The following TKTL1 variants were observed in gnomAD, a reference collection of about 807,000 sequenced individuals.
TKTL1 encodes transketolase-like protein 1.
A neutral mutation model predicts 39.3 loss-of-function variants in TKTL1; 1 was observed. That is an observed-to-expected ratio of 0.03 (90% confidence interval 0.01 to 0.12). The LOEUF is 0.12. Ranked by LOEUF, TKTL1 falls within the 10% of genes least tolerant of loss-of-function variation. The pLI, the probability that TKTL1 is intolerant of heterozygous loss-of-function variation, is 1.00. For synonymous variants in TKTL1, 262 were observed against 193.8 expected, an observed-to-expected ratio of 1.35 and a Z score of -2.92; for missense variants, 575 against 509.6, an observed-to-expected ratio of 1.13 and a Z score of -1.24.
Position 154,315,261 on chromosome X carries a change from A to G in TKTL1, c.953A>G (p.Tyr318Cys). 5 of 1,210,999 alleles carry G rather than the reference A, an allele frequency of 4.1e-6. No homozygotes were observed. The highest frequency in any genetic ancestry group is 5.6e-6 in the Non-Finnish European group (5 of 895,037). The change falls in exon 7 of 13, where the codon TAC becomes TGC. Residue 318 changes from tyrosine (Y) to cysteine (C), a missense_variant. Physicochemically the swap from Tyr to Cys is radical, Grantham distance 194. Transcript: ENST00000369915. The stretch of plus-strand genomic sequence containing the variant: ...GTTGTGCTGGATGGTGACACCAGGT[A>G]CTCTACTTTCTCTGAGATATTCAAC... The part of the protein sequence containing the change: ...RVVVLDGDTR[Y>C]STFSEIFNKE...
chrX:154,319,295 C>T (rs1431358292), intron 7 of TKTL1, among the ~76,000 whole-genome samples: 1 of 112,363 alleles, frequency 8.9e-6, no homozygotes, highest in Admixed American at 9.4e-5. Context: ...TAATTAAGTT[C>T]TTCACTTTCT....
At chrX:154,325,452 A>G (rs1006449291) in intron 10 of TKTL1, 30 bp downstream of exon 10, 2 of 1,118,903 alleles carry the variant, frequency 1.8e-6, no homozygotes, top group Non-Finnish European at 1.2e-6. Context: ...TGCGTTATTC[A>G]GTATCATCTC....
intron 7 of TKTL1, among the ~76,000 whole-genome samples, chrX:154,316,439 C>A (rs782180066): frequency 9.0e-6 from 1 of 111,457 alleles, no homozygotes; most frequent in African/African-American, 3.3e-5. Flanking sequence ...GTGGCACCAG[C>A]CTGCAGTCCC....
Position 154,312,758 on chromosome X carries a change from C to T in TKTL1, c.849C>T (p.Tyr283=). The T allele has an allele frequency of 1.7e-6, 2 of 1,204,087 alleles. No homozygotes were observed. The highest frequency in any genetic ancestry group is 1.8e-5 in the South Asian group (1 of 55,662). ...TDVRMTSPPD[Y]RVGDKIATRK... The stretch of plus-strand genomic sequence containing the variant: ...TAAGGATGACCTCTCCACCTGATTA[C>T]AGAGTTGGTGACAAGGTAGGCAGAA... Residue 283 remains tyrosine, a synonymous_variant, in exon 6 of 13, where the codon TAC becomes TAT. Coordinates refer to ENST00000369915, the MANE Select transcript of TKTL1 (RefSeq NM_012253.4).
chrX:154,307,733 C>T (rs909720858), intron 2 of TKTL1, among the ~76,000 whole-genome samples: 1 of 112,584 alleles, frequency 8.9e-6, no homozygotes, highest in East Asian at 2.8e-4. Context: ...AGCCCAGGCT[C>T]GGTCCATTAT....
chrX:154,325,488 A>G (rs1356090500), intron 10 of TKTL1, 66 bp downstream of exon 10: 4 of 930,267 alleles, frequency 4.3e-6, no homozygotes, highest in Admixed American at 2.3e-5. Context: ...TTCTGAATCT[A>G]TCACCAGCTA....
intron 8 of TKTL1, 117 bp downstream of exon 8, chrX:154,321,030 C>G: frequency 1.1e-6 from 1 of 902,268 alleles, no homozygotes; most frequent in Non-Finnish European, 1.6e-6. Context: ...ATTATTCAAG[C>G]CTTTTTCTTG....
chrX:154,312,934 G>A (rs2067370136), intron 6 of TKTL1, among the ~76,000 whole-genome samples, 161 bp downstream of exon 6: 1 of 112,030 alleles, frequency 8.9e-6, no homozygotes, highest in Non-Finnish European at 1.9e-5. Flanking sequence ...AATAAAGAGA[G>A]GTTTGCCATT....
At chrX:154,317,693 A>G (rs2067412272) in intron 7 of TKTL1, among the ~76,000 whole-genome samples, 1 of 112,906 alleles carries the variant, frequency 8.9e-6, no homozygotes, top group Admixed American at 9.3e-5. Context: ...GGACCAGGGC[A>G]GTAGCTGTGG....
Position 154,310,933 on chromosome X carries a change from G to C in TKTL1, c.448G>C (p.Val150Leu). Residue 150 changes from valine (V) to leucine (L), a missense_variant, in exon 4 of 13, where the codon GTG (valine) becomes CTG (leucine). By Grantham distance (32) the Val-to-Leu change is conservative (BLOSUM62 1). Coordinates refer to ENST00000369915, the MANE Select transcript of TKTL1 (RefSeq NM_012253.4). ...TTCCTACTACAGTCTGGACAATCTT[G>C]TGGCAATCTTTGATGTGAACCGCCT... is the stretch of plus-strand genomic sequence containing the variant. ...FASYYSLDNLVAIFDVNRLGH... is the reference protein window; with the variant it reads ...FASYYSLDNLLAIFDVNRLGH... 8.3e-7 allele frequency: 1 copy of C among 1,212,121 alleles called. No individual in the cohort carries two copies. The highest frequency in any genetic ancestry group is 1.1e-6 in the Non-Finnish European group (1 of 895,572).
chrX:154,323,314 G>GT lies in TKTL1; in HGVS notation c.1296dup (p.Ala433CysfsTer30). 8.3e-7 allele frequency: 1 copy of GT among 1,211,653 alleles called. No individual in the cohort carries two copies. The highest frequency in any genetic ancestry group is 1.1e-6 in the Non-Finnish European group (1 of 895,425). On this transcript the variant is annotated frameshift_variant, in exon 9 of 13. Transcript: ENST00000369915. LOFTEE classifies it high-confidence loss of function. ...TGATGCCGTCTCCACGGAGCATGCT[G>GT]TTGCTCTGGCAGCCAATGCCAAGGT...
At chrX:154,307,743 T>A (rs1247893650) in intron 2 of TKTL1, among the ~76,000 whole-genome samples, 5 of 112,506 alleles carry the variant, frequency 4.4e-5, no homozygotes, top group African/African-American at 1.6e-4. Context: ...CGGTCCATTA[T>A]GTTATAGGAC....
intron 12 of TKTL1, 128 bp downstream of exon 12, chrX:154,328,086 T>A: frequency 4.5e-6 from 4 of 890,559 alleles, no homozygotes. Context: ...TTATTTGATG[T>A]TCACTAAGCG....
chrX:154,297,491 C>T (rs1216324457), intron 1 of TKTL1, among the ~76,000 whole-genome samples: 1 of 111,112 alleles, frequency 9.0e-6, no homozygotes, highest in Non-Finnish European at 1.9e-5. Flanking sequence ...CTCCTGACCT[C>T]GTGATCCGCC....
intron 2 of TKTL1, among the ~76,000 whole-genome samples, chrX:154,307,293 T>C (rs1603352002): frequency 8.9e-6 from 1 of 111,926 alleles, no homozygotes; most frequent in Middle Eastern, 4.6e-3. Context: ...GAAGAGGCTT[T>C]CTATCGGGCA....
intron 6 of TKTL1, among the ~76,000 whole-genome samples, chrX:154,314,595 G>A (rs1253068527): frequency 9.0e-6 from 1 of 110,630 alleles, no homozygotes; most frequent in South Asian, 3.8e-4. Context: ...GTGCAATCTC[G>A]GCTCACTGCA....
chrX:154,323,265 C>G lies in TKTL1; in HGVS notation c.1245C>G (p.Pro415=), dbSNP rs377758229. ...LEDIAMFRTI[P]KCTIFYPTDA... is the part of the protein sequence containing the mutation. ...ATATAGCCATGTTCCGAACCATTCC[C>G]AAGTGCACGATCTTCTACCCAACTG... The change falls in exon 9 of 13, where the codon CCC becomes CCG. Residue 415 remains proline (P), a synonymous_variant. Transcript: ENST00000369915. 83 of 1,209,539 alleles carry G rather than the reference C, an allele frequency of 6.9e-5. No homozygotes were observed. In the East Asian group the frequency reaches 1.7e-3, roughly 25 times the overall value.
intron 9 of TKTL1, 61 bp from the exon 10 acceptor site, chrX:154,325,278 A>G (rs2067484972): frequency 9.4e-6 from 10 of 1,069,425 alleles, no homozygotes; most frequent in Non-Finnish European, 1.0e-5. Flanking sequence ...ACTTCTTTCA[A>G]CGTCTGTTGT....
At chrX:154,302,031 G>A (rs782337589) in intron 1 of TKTL1, among the ~76,000 whole-genome samples, 10 of 110,219 alleles carry the variant, frequency 9.1e-5, no homozygotes, top group East Asian at 2.8e-4. Flanking sequence ...GCTGTTTGCC[G>A]GCTATTGGCA....
Sources: gnomAD v4.1 joint callset for allele counts (sites outside exome capture counted in the v4.1 genomes callset) on GRCh38, gnomAD v4.1.1 for gene constraint, MANE v1.5 for transcripts, NCBI Gene and HGNC (gene_info 2026-07-23, HGNC 2026-07-21) for gene names.